The following DDX55 variants were observed in gnomAD, a reference collection of about 807,000 sequenced individuals.
DDX55 encodes ATP-dependent RNA helicase DDX55.
DDX55 carries 56 observed loss-of-function variants against 69.2 expected under a neutral mutation model. The ratio of observed to expected loss-of-function variants is 0.81; its 90% confidence interval spans 0.65 to 1.01. DDX55 has a LOEUF of 1.01. DDX55 is among the 50% of genes least tolerant of loss of function. The pLI is 0.00. For synonymous variants in DDX55, 268 were observed against 273.1 expected, an observed-to-expected ratio of 0.98 and a Z score of 0.18; for missense variants, 720 against 745.1, an observed-to-expected ratio of 0.97 and a Z score of 0.39.
At chr12:123,602,673 T>C (rs570327785) in intron 1 of DDX55, among the ~76,000 whole-genome samples, 1 of 152,380 alleles carries the variant, frequency 6.6e-6, no homozygotes, top group African/African-American at 2.4e-5. Context: ...ACCGTTGTTA[T>C]GCATCTCTTC....
rs1391397108 is a variant in DDX55, at chr12:123,619,455, C to T, written c.1357C>T (p.Arg453Ter). The change falls in exon 13 of 14, where the codon CGA becomes TGA. Residue 453 changes from arginine to a stop codon, truncating the protein, a stop_gained. Transcript: ENST00000238146. LOFTEE classifies it high-confidence loss of function. ...LKDLDFASLA[R>*]GFALLRMPKM... Reference sequence around the variant, plus strand: ...AGATCTTGATTTTGCCAGCCTTGCTCGAGGTTTTGCCCTGCTGAGGATGCC... The same window carrying T: ...AGATCTTGATTTTGCCAGCCTTGCTTGAGGTTTTGCCCTGCTGAGGATGCC... The T allele has an allele frequency of 2.5e-6, 4 of 1,612,524 alleles. No individual in the cohort carries two copies. Among genetic ancestry groups the T allele is most frequent in the African/African-American group, 1.3e-5 (1 of 74,884 alleles).
At chr12:123,616,787 T>G in intron 10 of DDX55, 184 bp downstream of exon 10, 1 of 664,838 alleles carries the variant, frequency 1.5e-6, no homozygotes, top group Non-Finnish European at 2.7e-6. Flanking sequence ...TTGAAATGGT[T>G]TGAGGCCTTG....
At chr12:123,611,132 C>T (rs1202566932) in intron 7 of DDX55, among the ~76,000 whole-genome samples, 4 of 152,060 alleles carry the variant, frequency 2.6e-5, no homozygotes, top group African/African-American at 4.8e-5. Flanking sequence ...AACTCCTGAC[C>T]TCATGATCCT....
Position 123,615,212 on chromosome 12 carries a change from G to C in DDX55, c.852G>C (p.Gly284=). ...FSTCACVEYY[G]KALEVLVKGV... is the part of the protein sequence containing the mutation. ...CCTGTGCCTGTGTGGAATACTATGG[G>C]AAGGCTCTGGAAGTGCTGGTGAAGG... is the stretch of plus-strand genomic sequence containing the variant. Residue 284 remains glycine, a synonymous_variant, in exon 9 of 14, where the codon GGG becomes GGC. Coordinates refer to ENST00000238146, the MANE Select transcript of DDX55 (RefSeq NM_020936.3). 1 of 1,614,126 alleles carries C rather than the reference G, an allele frequency of 6.2e-7. No individual in the cohort carries two copies. The highest frequency in any genetic ancestry group is 8.5e-7 in the Non-Finnish European group (1 of 1,179,998).
intron 11 of DDX55, 48 bp downstream of exon 11, chr12:123,617,920 T>C: frequency 6.4e-7 from 1 of 1,554,358 alleles, no homozygotes; most frequent in South Asian, 1.1e-5. Context: ...ACGGGGTAGC[T>C]GGAAAAGTTC....
At chr12:123,610,382 C>A (rs1954138989) in intron 7 of DDX55, among the ~76,000 whole-genome samples, 1 of 152,088 alleles carries the variant, frequency 6.6e-6, no homozygotes, top group African/African-American at 2.4e-5. Context: ...CCAAATGTTT[C>A]TATTGTACAT....
Position 123,602,191 on chromosome 12 carries a change from C to T in DDX55, c.43C>T (p.Pro15Ser). The T allele has an allele frequency of 6.4e-7, 1 of 1,570,482 alleles. No individual in the cohort carries two copies. Among genetic ancestry groups the T allele is most frequent in the Admixed American group, 1.8e-5 (1 of 54,164 alleles). ...TEGSWESLPV[P>S]LHPQVLGALR... ...GGGCTCCTGGGAGTCGCTGCCTGTG[C>T]CGCTGCACCCGCAGGTGCTGGGCGC... is the stretch of plus-strand genomic sequence containing the variant. The change falls in exon 1 of 14, where the codon CCG becomes TCG. Residue 15 changes from proline to serine, a missense_variant. Physicochemically the swap from Pro to Ser is moderately conservative, Grantham distance 74 (BLOSUM62 -1). Transcript: ENST00000238146.
chr12:123,615,898 T>C (rs1383869299), intron 9 of DDX55, among the ~76,000 whole-genome samples: 1 of 152,062 alleles, frequency 6.6e-6, no homozygotes, highest in African/African-American at 2.4e-5. Context: ...AGGAGAATGG[T>C]GTGAACCCAG....
chr12:123,607,580 A>C lies in DDX55; in HGVS notation c.339-20A>C. 6.2e-7 allele frequency: 1 copy of C among 1,614,200 alleles called. No homozygotes were observed. Among genetic ancestry groups the C allele is most frequent in the Non-Finnish European group, 8.5e-7 (1 of 1,180,050 alleles). On this transcript the variant is annotated intron_variant, in intron 4 of 13. Transcript: ENST00000238146. ...GGGCTGTTTTGTCGAACTTAATCAA[A>C]GGCTGTTTTCTTGTTGTAGCCAGAT... is the stretch of plus-strand genomic sequence containing the variant.
chr12:123,612,024 C>T (rs1363982957), intron 7 of DDX55, among the ~76,000 whole-genome samples: 1 of 152,196 alleles, frequency 6.6e-6, no homozygotes, highest in African/African-American at 2.4e-5. Flanking sequence ...CATGATAGTG[C>T]TTAGTACACA....
intron 8 of DDX55, among the ~76,000 whole-genome samples, chr12:123,614,015 T>G (rs1221640428): frequency 6.6e-6 from 1 of 151,758 alleles, no homozygotes; most frequent in Non-Finnish European, 1.5e-5. Flanking sequence ...ATATTTATAT[T>G]TATAATTTCT....
Position 123,619,722 on chromosome 12 carries a change from G to A in DDX55, c.1624G>A (p.Glu542Lys). ...KKMNEKRKRE[E>K]GSDIEDEDME... ...AATGAATGAGAAAAGGAAAAGGGAA[G>A]AGGTAAAGTTTACTTTTACTTACAT... Residue 542 changes from glutamate to lysine, a missense_variant and splice_region_variant, in exon 13 of 14, where the codon GAG becomes AAG. Transcript: ENST00000238146. 1 of 1,538,776 alleles carries A rather than the reference G, an allele frequency of 6.5e-7. No homozygotes were observed.
intron 5 of DDX55, chr12:123,608,006 G>A (rs1953995773): frequency 3.4e-6 from 1 of 295,372 alleles, no homozygotes; most frequent in Admixed American, 4.7e-5. Context: ...GTAGTGGCAG[G>A]TTTTGAATTT....
intron 7 of DDX55, among the ~76,000 whole-genome samples, chr12:123,610,896 T>TTG (rs35103060): frequency 0.084 from 12,418 of 148,682 alleles, 607 homozygotes; most frequent in Non-Finnish European, 0.11. Context: ...GGCCGTTTTT[T>TTG]TTTGTTTGTT....
Position 123,602,267 on chromosome 12 carries a change from C to T in DDX55, c.108+11C>T. ...ATGACGCCGGTGCAGGTATCGGTTC[C>T]CTGGCGTGGGGGAGTGAGGCTGGGA... On this transcript the variant is annotated intron_variant, in intron 1 of 13. Transcript: ENST00000238146. 1 of 1,546,372 alleles carries T rather than the reference C, an allele frequency of 6.5e-7. No individual in the cohort carries two copies. The highest frequency in any genetic ancestry group is 1.9e-5 in the Admixed American group (1 of 51,680).
At chr12:123,609,158 C>T (rs1020608308) in intron 6 of DDX55, among the ~76,000 whole-genome samples, 5 of 151,682 alleles carry the variant, frequency 3.3e-5, no homozygotes, top group African/African-American at 1.2e-4. Flanking sequence ...TGCCATGTTG[C>T]CCAGTCTGTT....
In DDX55 at chr12:123,607,486, G is replaced by C. The variant is rs17881657; in HGVS notation, c.301G>C (p.Val101Leu). The change falls in exon 4 of 14, where the codon GTC becomes CTC. Residue 101 changes from valine (V) to leucine (L), a missense_variant. By Grantham distance (32) the Val-to-Leu change is conservative (BLOSUM62 1). Transcript: ENST00000238146. ...TRELAIQIDE[V>L]LSHFTKHFPE... Reference sequence around the variant, plus strand: ...AGAGCTGGCCATTCAAATAGACGAGGTCCTGTCGCATTTCACGAAGCACTT... The same window carrying C: ...AGAGCTGGCCATTCAAATAGACGAGCTCCTGTCGCATTTCACGAAGCACTT... 0.017 allele frequency: 27,116 copies of C among 1,614,090 alleles called. 325 individuals carry two copies. Among genetic ancestry groups the C allele is most frequent in the South Asian group, 0.039 (3,545 of 91,084 alleles).
chr12:123,605,905 C>A (rs377536646), intron 1 of DDX55, 26 bp from the exon 2 acceptor site: 2 of 1,614,066 alleles, frequency 1.2e-6, no homozygotes, highest in Non-Finnish European at 8.5e-7. Flanking sequence ...ATCCTTTAAC[C>A]AGTGCTTTGC....
In DDX55 at chr12:123,608,765, C is replaced by G; in HGVS notation, c.487C>G (p.Arg163Gly). The change falls in exon 6 of 14, where the codon CGA becomes GGA. Residue 163 changes from arginine to glycine, a missense_variant. Arg to Gly is a moderately radical substitution (Grantham distance 125). Transcript: ENST00000238146. The part of the protein sequence containing the change: ...AEGLDLASCV[R>G]SLDVLVLDEA... ...AGGCTTGGATCTGGCCAGCTGTGTG[C>G]GATCCCTGGATGTCCTGGTGTTGGA... The G allele has an allele frequency of 6.2e-7, 1 of 1,614,106 alleles. No homozygotes were observed. Among genetic ancestry groups the G allele is most frequent in the Non-Finnish European group, 8.5e-7 (1 of 1,180,018 alleles).
Sources: allele counts gnomAD v4.1 joint callset (sites outside exome capture counted in the v4.1 genomes callset), GRCh38; gene constraint gnomAD v4.1.1; transcripts MANE v1.5; gene names NCBI Gene and HGNC (gene_info 2026-07-23, HGNC 2026-07-21).